The following CIAO2A variants were observed in gnomAD, a reference collection of about 807,000 sequenced individuals.
CIAO2A encodes the protein MIP18 family protein FAM96A.
In CIAO2A, 17 loss-of-function variants were observed where a neutral mutation model predicts 22.4. That is an observed-to-expected ratio of 0.76 (90% CI 0.52 to 1.14). The LOEUF is 1.14. Ranked by LOEUF, CIAO2A falls within the 50% of genes most tolerant of loss-of-function variation. The pLI, the probability that CIAO2A is intolerant of heterozygous loss-of-function variation, is 0.00. For missense variants in CIAO2A, 192 were observed against 191.4 expected (o/e 1.00, Z -0.02); for synonymous variants, 74 against 72.3 (o/e 1.02, Z -0.12).
In CIAO2A at chr15:64,077,169, G is replaced by A. The variant is rs748005468; in HGVS notation, c.340-1632C>T. Among the ~76,000 whole-genome samples the A allele has an allele frequency of 7.9e-5, 12 of 152,122 alleles. 1 individual carries two copies. The East Asian group carries it at 9.6e-4, about 12-fold the overall frequency. On this transcript the variant is annotated intron_variant, in intron 3 of 4. Transcript: ENST00000300030. ...CTACTAAAAATACAAAAAATTAGCC[G>A]GGCGTGTATTACCAGCTACTCAGGA...
At chr15:64,081,322 T>G (rs1339447787) in intron 2 of CIAO2A, among the ~76,000 whole-genome samples, 171 bp from the exon 3 acceptor site, 1 of 152,178 alleles carries the variant, frequency 6.6e-6, no homozygotes, top group Non-Finnish European at 1.5e-5. Flanking sequence ...GGAAATTTAA[T>G]ATATAATCTT....
At chr15:64,092,529 G>A (rs1306749122) in intron 1 of CIAO2A, among the ~76,000 whole-genome samples, 1 of 152,132 alleles carries the variant, frequency 6.6e-6, no homozygotes, top group Non-Finnish European at 1.5e-5. Flanking sequence ...ATATCAGTTT[G>A]AAGACTAGAG....
intron 2 of CIAO2A, among the ~76,000 whole-genome samples, chr15:64,088,104 A>C (rs2080811891): frequency 6.6e-6 from 1 of 152,240 alleles, no homozygotes; most frequent in South Asian, 2.1e-4. Context: ...TTTGAAATAA[A>C]ATCCCTTTAT....
intron 3 of CIAO2A, among the ~76,000 whole-genome samples, chr15:64,077,426 T>G (rs547953279): frequency 9.2e-5 from 14 of 152,368 alleles, no homozygotes; most frequent in Non-Finnish European, 1.9e-4. Flanking sequence ...TACACAGGAC[T>G]CATTATTCTA....
At chr15:64,075,227 T>A (rs1247533205) in intron 4 of CIAO2A, 2 of 282,266 alleles carry the variant, frequency 7.1e-6, no homozygotes, top group Admixed American at 1.1e-4. Flanking sequence ...TAAGTCAAGG[T>A]CCCCAGCACT....
At chr15:64,082,125 C>T (rs866219289) in intron 2 of CIAO2A, among the ~76,000 whole-genome samples, 12 of 152,276 alleles carry the variant, frequency 7.9e-5, no homozygotes, top group Middle Eastern at 3.4e-3. Flanking sequence ...TTTTGGTTTT[C>T]TAAGTACCAT....
chr15:64,091,361 T>C (rs2140117729), intron 1 of CIAO2A, among the ~76,000 whole-genome samples: 1 of 152,156 alleles, frequency 6.6e-6, no homozygotes, highest in East Asian at 1.9e-4. Flanking sequence ...GGCATGTGCC[T>C]GTAATCACAG....
intron 1 of CIAO2A, among the ~76,000 whole-genome samples, chr15:64,091,334 A>T (rs954439151): frequency 2.0e-5 from 3 of 152,208 alleles, no homozygotes; most frequent in Admixed American, 6.5e-5. Flanking sequence ...AAAATACAAA[A>T]ATGAGCCGGG....
chr15:64,086,504 C>G (rs2080795966), intron 2 of CIAO2A, among the ~76,000 whole-genome samples: 1 of 152,150 alleles, frequency 6.6e-6, no homozygotes, highest in South Asian at 2.1e-4. Context: ...TAAGACACCC[C>G]CTCCACAACA....
chr15:64,078,129 T>G (rs961796237), intron 3 of CIAO2A, among the ~76,000 whole-genome samples: 2 of 152,246 alleles, frequency 1.3e-5, no homozygotes, highest in African/African-American at 4.8e-5. Flanking sequence ...TTTATTTCTT[T>G]TCTTTCATTA....
At chr15:64,083,642 A>G (rs1000061445) in intron 2 of CIAO2A, among the ~76,000 whole-genome samples, 4 of 152,080 alleles carry the variant, frequency 2.6e-5, no homozygotes, top group Non-Finnish European at 5.9e-5. Flanking sequence ...CTATTATACA[A>G]TTCTCTAAAA....
At chr15:64,088,123 A>G (rs2080811976) in intron 2 of CIAO2A, among the ~76,000 whole-genome samples, 1 of 152,228 alleles carries the variant, frequency 6.6e-6, no homozygotes, top group Non-Finnish European at 1.5e-5. Context: ...ATAACAAAGC[A>G]TATGTTCAAA....
chr15:64,086,187 TC>T (rs1286630791), intron 2 of CIAO2A, among the ~76,000 whole-genome samples: 2 of 151,532 alleles, frequency 1.3e-5, no homozygotes, highest in Non-Finnish European at 2.9e-5. Flanking sequence ...GGTGGGCAGA[TC>T]ACCTGATATT....
At chr15:64,091,429 G>A (rs2080838839) in intron 1 of CIAO2A, among the ~76,000 whole-genome samples, 1 of 151,242 alleles carries the variant, frequency 6.6e-6, no homozygotes, top group Non-Finnish European at 1.5e-5. Flanking sequence ...AGGCTGCAGT[G>A]GGCCAAAATT....
rs2141272265 is a variant in CIAO2A, at chr15:64,072,688, CTT to C, written c.*241_*242del. Reference sequence around the variant, plus strand: ...GAGCATCAGAAAAATAGCAACTCATCTTGCACATAATAACTAGAAAATATTAT... The same window carrying C: ...GAGCATCAGAAAAATAGCAACTCATCGCACATAATAACTAGAAAATATTAT... On this transcript the variant is annotated 3_prime_UTR_variant, in exon 5 of 5. Transcript: ENST00000300030. 1 of 339,328 alleles carries C rather than the reference CTT, an allele frequency of 2.9e-6. No individual in the cohort carries two copies. Among genetic ancestry groups the C allele is most frequent in the African/African-American group, 2.1e-5 (1 of 47,388 alleles). The allele number at this position is 339,328 out of a possible 1,614,324, so 21.0% of individuals were successfully genotyped here. A position where few individuals can be genotyped will look rare whatever the true frequency, so the allele number is the denominator to read the frequency against.
At chr15:64,080,653 G>A (rs950858650) in intron 3 of CIAO2A, among the ~76,000 whole-genome samples, 1 of 152,162 alleles carries the variant, frequency 6.6e-6, no homozygotes, top group Non-Finnish European at 1.5e-5. Context: ...CTGAACTCCA[G>A]CCTGGGTGAC....
intron 4 of CIAO2A, among the ~76,000 whole-genome samples, chr15:64,074,091 G>C (rs1309847204): frequency 6.6e-6 from 1 of 151,934 alleles, no homozygotes; most frequent in Non-Finnish European, 1.5e-5. Flanking sequence ...TAATCTACTA[G>C]ATCTTTTTTT....
chr15:64,080,289 G>A (rs1458321382), intron 3 of CIAO2A, among the ~76,000 whole-genome samples: 1 of 152,168 alleles, frequency 6.6e-6, no homozygotes, highest in Non-Finnish European at 1.5e-5. Flanking sequence ...CTGGGAGGCT[G>A]AAGCACGAGA....
intron 4 of CIAO2A, among the ~76,000 whole-genome samples, 190 bp from the exon 5 acceptor site, chr15:64,073,218 T>C (rs1467469230): frequency 6.6e-6 from 1 of 152,244 alleles, no homozygotes; most frequent in Admixed American, 6.5e-5. Context: ...ACTAGAATTC[T>C]ACTACTTAAC....
Sources: allele counts gnomAD v4.1 joint callset (sites outside exome capture counted in the v4.1 genomes callset), GRCh38; gene constraint gnomAD v4.1.1; transcripts MANE v1.5; gene names NCBI Gene and HGNC (gene_info 2026-07-23, HGNC 2026-07-21).